The following CHD7 variants were observed in gnomAD, a reference collection of about 807,000 sequenced individuals.
CHD7 encodes the protein ATP-dependent chromatin remodeler CHD7.
In CHD7, 24 loss-of-function variants were observed where a neutral mutation model predicts 307.3. The ratio of observed to expected loss-of-function variants is 0.08; its 90% CI spans 0.06 to 0.11. CHD7 has a LOEUF of 0.11. Among genes scored for constraint, CHD7 ranks in the 10% least tolerant of loss-of-function variants. The pLI, the probability that CHD7 is intolerant of heterozygous loss-of-function variation, is 1.00. For synonymous variants in CHD7, 1,363 were observed against 1,349.9 expected, an observed-to-expected ratio of 1.01 and a Z score of -0.21; for missense variants, 3,106 against 3,727.1, an observed-to-expected ratio of 0.83 and a Z score of 4.34.
chr8:60,684,819 T>C lies in CHD7; in HGVS notation c.-175+5737T>C, dbSNP rs536387300. Among the ~76,000 whole-genome samples the C allele has an allele frequency of 2.2e-3, 338 of 152,246 alleles. 1 individual carries two copies. The highest frequency in any genetic ancestry group is 4.2e-3 in the Non-Finnish European group (287 of 68,010). On this transcript the variant is annotated intron_variant, in intron 1 of 37. Transcript: ENST00000423902. ...AGTAGTGTTTTGAAGAAGATTGAAT[T>C]GGTGGGTGCAGAGAGGACAATAGGT...
intron 23 of CHD7, among the ~76,000 whole-genome samples, chr8:60,847,123 A>C (rs1805245084): frequency 6.6e-6 from 1 of 152,250 alleles, no homozygotes; most frequent in South Asian, 2.1e-4. Context: ...TGAGTTATCC[A>C]AAGTGAGTCT....
intron 1 of CHD7, among the ~76,000 whole-genome samples, chr8:60,681,358 T>G (rs938523576): frequency 6.6e-6 from 1 of 152,184 alleles, no homozygotes; most frequent in Non-Finnish European, 1.5e-5. Flanking sequence ...ACAGAAGCCC[T>G]CCAGTCTTTA....
At chr8:60,793,535 T>C (rs1811875091) in intron 3 of CHD7, among the ~76,000 whole-genome samples, 1 of 152,176 alleles carries the variant, frequency 6.6e-6, no homozygotes. Context: ...AACAATACTT[T>C]TGAAATATTT....
chr8:60,747,284 G>A (rs758997452), intron 2 of CHD7, among the ~76,000 whole-genome samples: 2 of 151,860 alleles, frequency 1.3e-5, no homozygotes, highest in Non-Finnish European at 2.9e-5. Flanking sequence ...CACCATGTTG[G>A]CCAGGCTGGT....
At chr8:60,690,023 A>G (rs1806115549) in intron 1 of CHD7, among the ~76,000 whole-genome samples, 2 of 152,222 alleles carry the variant, frequency 1.3e-5, no homozygotes, top group African/African-American at 4.8e-5. Context: ...AACTTGTGTG[A>G]ATATGCAGCC....
chr8:60,766,294 G>T (rs184744259), intron 2 of CHD7, among the ~76,000 whole-genome samples: 7 of 152,224 alleles, frequency 4.6e-5, no homozygotes, highest in Admixed American at 3.3e-4. Flanking sequence ...TGAGAGAAAG[G>T]GGGGGAATTA....
At chr8:60,840,308 A>G (rs562647095) in intron 19 of CHD7, among the ~76,000 whole-genome samples, 2 of 152,226 alleles carry the variant, frequency 1.3e-5, no homozygotes, top group African/African-American at 4.8e-5. Context: ...TTATTTTCTC[A>G]GAGCTCACAG....
In CHD7 at chr8:60,838,106, G is replaced by T; in HGVS notation, c.4384G>T (p.Asp1462Tyr). The change falls in exon 19 of 38, where the codon GAT becomes TAT. Residue 1462 changes from aspartate to tyrosine, a missense_variant. Physicochemically the swap from Asp to Tyr is radical, Grantham distance 160 (BLOSUM62 -3). Transcript: ENST00000423902. ...VQQLSKKEIE[D>Y]LLRKGAYGAL... is the part of the protein sequence containing the mutation. Reference sequence around the variant, plus strand: ...ACAGCTTTCCAAGAAAGAAATAGAGGATCTTCTACGAAAAGGGGCCTATGG... The same window carrying T: ...ACAGCTTTCCAAGAAAGAAATAGAGTATCTTCTACGAAAAGGGGCCTATGG... 1 of 1,525,564 alleles carries T rather than the reference G, an allele frequency of 6.6e-7. No individual in the cohort carries two copies. Among genetic ancestry groups the T allele is most frequent in the Non-Finnish European group, 8.8e-7 (1 of 1,136,374 alleles). 94.5% of individuals were successfully genotyped at this position (1,525,564 alleles called of 1,614,324 possible).
At chr8:60,771,556 A>G (rs1004081319) in intron 2 of CHD7, among the ~76,000 whole-genome samples, 4 of 152,238 alleles carry the variant, frequency 2.6e-5, no homozygotes, top group East Asian at 1.9e-4. Context: ...AACAATATCT[A>G]TTTCCTCTCT....
intron 2 of CHD7, among the ~76,000 whole-genome samples, chr8:60,754,853 T>C (rs1809811566): frequency 6.6e-6 from 1 of 152,214 alleles, no homozygotes; most frequent in African/African-American, 2.4e-5. Context: ...GTTCATCCAC[T>C]GACCTATAAT....
intron 1 of CHD7, among the ~76,000 whole-genome samples, chr8:60,736,052 C>T (rs1037139680): frequency 6.6e-6 from 1 of 152,090 alleles, no homozygotes; most frequent in African/African-American, 2.4e-5. Context: ...TGGTCTTGGC[C>T]AGGAAGAAAA....
chr8:60,709,365 A>C (rs924744145), intron 1 of CHD7, among the ~76,000 whole-genome samples: 3 of 152,198 alleles, frequency 2.0e-5, no homozygotes, highest in Admixed American at 1.3e-4. Flanking sequence ...AAAATCACCA[A>C]CGTTTATTCA....
rs1382581710 is a variant in CHD7 at position 60,856,633 on chromosome 8, A to G, written c.7353A>G (p.Ala2451=). 1 of 1,614,068 alleles carries G rather than the reference A, an allele frequency of 6.2e-7. No individual in the cohort carries two copies. Among genetic ancestry groups the G allele is most frequent in the South Asian group, 1.1e-5 (1 of 91,084 alleles). ...VVDLSKASRE[A]TSSTSNFSSL... The stretch of plus-strand genomic sequence containing the variant: ...ATTTATCAAAGGCCTCAAGAGAGGC[A>G]ACAAGCTCTACCTCAAATTTTTCAT... The change falls in exon 34 of 38, where the codon GCA becomes GCG. Residue 2451 remains alanine, a synonymous_variant. Coordinates refer to ENST00000423902, the MANE Select transcript of CHD7 (RefSeq NM_017780.4).
chr8:60,800,640 A>AACATTAGGTGGATGTTCC, intron 5 of CHD7, 115 bp downstream of exon 5: 1 of 1,045,666 alleles, frequency 9.6e-7, no homozygotes, highest in Non-Finnish European at 1.4e-6. Flanking sequence ...GGGAACATCC[A>AACATTAGGTGGATGTTCC]CCTAATGTTG....
intron 15 of CHD7, among the ~76,000 whole-genome samples, chr8:60,831,246 C>G (rs1438043640): frequency 6.6e-6 from 1 of 152,064 alleles, no homozygotes; most frequent in African/African-American, 2.4e-5. Flanking sequence ...GAGCATTCGC[C>G]ACAAGCAGTC....
chr8:60,816,604 T>G, intron 8 of CHD7, 103 bp downstream of exon 8: 2 of 682,398 alleles, frequency 2.9e-6, no homozygotes, highest in Non-Finnish European at 5.0e-6. Flanking sequence ...TAGTCTCATT[T>G]GGTGCTGTCA....
chr8:60,734,966 T>C (rs1300394892), intron 1 of CHD7, among the ~76,000 whole-genome samples: 1 of 152,196 alleles, frequency 6.6e-6, no homozygotes, highest in Non-Finnish European at 1.5e-5. Context: ...TTTTTGTGGT[T>C]CACTAAACCA....
chr8:60,733,136 G>A (rs1035055889), intron 1 of CHD7, among the ~76,000 whole-genome samples: 3 of 151,928 alleles, frequency 2.0e-5, no homozygotes, highest in Non-Finnish European at 4.4e-5. Flanking sequence ...TTGGGAGCCC[G>A]CACTGGGAGG....
At chr8:60,694,318 G>C (rs1369804222) in intron 1 of CHD7, among the ~76,000 whole-genome samples, 1 of 152,240 alleles carries the variant, frequency 6.6e-6, no homozygotes, top group Non-Finnish European at 1.5e-5. Flanking sequence ...AAGGTGTGCA[G>C]ATGTGAGATT....
Sources: allele counts gnomAD v4.1 joint callset (sites outside exome capture counted in the v4.1 genomes callset), GRCh38; gene constraint gnomAD v4.1.1; transcripts MANE v1.5; gene names NCBI Gene and HGNC (gene_info 2026-07-23, HGNC 2026-07-21).